The following CTIF variants were observed in gnomAD, a reference collection of about 807,000 sequenced individuals.
CTIF encodes the protein cap binding complex dependent translation initiation factor, also known as CBP80/20-dependent translation initiation factor.
In CTIF, 21 loss-of-function variants were observed where a neutral mutation model predicts 66.0. That is an observed-to-expected ratio of 0.32 (90% CI 0.23 to 0.46). The LOEUF (loss-of-function observed/expected upper bound fraction) is 0.46. Among genes scored for constraint, CTIF ranks in the 20% least tolerant of loss-of-function variants. CTIF has a pLI of 1.00. For synonymous variants in CTIF, 345 were observed against 326.4 expected (o/e 1.06, Z -0.62); for missense variants, 739 against 812.7 (o/e 0.91, Z 1.10).
At chr18:48,615,610 C>T (rs747086410) in intron 1 of CTIF, among the ~76,000 whole-genome samples, 1 of 152,182 alleles carries the variant, frequency 6.6e-6, no homozygotes, top group Admixed American at 6.5e-5. Context: ...TGAGGGACCA[C>T]GTGGAGCATG....
intron 6 of CTIF, among the ~76,000 whole-genome samples, chr18:48,674,480 G>C (rs1444414076): frequency 6.6e-6 from 1 of 152,236 alleles, no homozygotes; most frequent in Non-Finnish European, 1.5e-5. Flanking sequence ...CACACAGAGC[G>C]CATGCCACAA....
At chr18:48,617,995 G>A (rs147384343) in intron 1 of CTIF, among the ~76,000 whole-genome samples, 15 of 152,358 alleles carry the variant, frequency 9.8e-5, no homozygotes, top group African/African-American at 3.6e-4. Context: ...AGGAAGATGT[G>A]TGCACAGCAG....
intron 1 of CTIF, among the ~76,000 whole-genome samples, chr18:48,571,449 C>T (rs2089414210): frequency 6.6e-6 from 1 of 152,250 alleles, no homozygotes; most frequent in Non-Finnish European, 1.5e-5. Context: ...AGCCACCACA[C>T]TCGGCCAGGT....
intron 1 of CTIF, among the ~76,000 whole-genome samples, chr18:48,598,846 A>G (rs1045628757): frequency 6.6e-6 from 1 of 152,222 alleles, no homozygotes; most frequent in Admixed American, 6.5e-5. Context: ...GAACGGAGAC[A>G]CTGTGATTAG....
chr18:48,643,957 A>G (rs1238739942), intron 3 of CTIF, among the ~76,000 whole-genome samples: 1 of 152,186 alleles, frequency 6.6e-6, no homozygotes, highest in Non-Finnish European at 1.5e-5. Flanking sequence ...TCACTGCTTC[A>G]GAAGGCATCT....
intron 1 of CTIF, among the ~76,000 whole-genome samples, chr18:48,578,859 C>T (rs1015314420): frequency 6.6e-6 from 1 of 152,138 alleles, no homozygotes; most frequent in African/African-American, 2.4e-5. Flanking sequence ...CAATTTATCT[C>T]TTTTACTTAC....
At chr18:48,765,475 G>A (rs1421386913) in intron 9 of CTIF, among the ~76,000 whole-genome samples, 2 of 152,236 alleles carry the variant, frequency 1.3e-5, no homozygotes, top group Non-Finnish European at 2.9e-5. Context: ...CCCAGCAGTG[G>A]TCTTTACACT....
At chr18:48,795,822 A>G (rs539528784) in intron 9 of CTIF, among the ~76,000 whole-genome samples, 24 of 152,292 alleles carry the variant, frequency 1.6e-4, no homozygotes, top group Admixed American at 7.8e-4. Context: ...TTTAATGTTT[A>G]TAGAAAACGG....
intron 1 of CTIF, among the ~76,000 whole-genome samples, chr18:48,616,876 A>G (rs1598745314): frequency 6.6e-6 from 1 of 152,212 alleles, no homozygotes; most frequent in East Asian, 1.9e-4. Context: ...TCCAGGTGAC[A>G]GGTTCAGTGT....
At chr18:48,605,428 A>G (rs924517034) in intron 1 of CTIF, among the ~76,000 whole-genome samples, 3 of 152,122 alleles carry the variant, frequency 2.0e-5, no homozygotes, top group Non-Finnish European at 2.9e-5. Flanking sequence ...TAGTTTGCAG[A>G]TGGCTGTGGG....
intron 9 of CTIF, among the ~76,000 whole-genome samples, chr18:48,793,937 C>T (rs113644100): frequency 6.6e-6 from 1 of 152,324 alleles, no homozygotes; most frequent in African/African-American, 2.4e-5. Flanking sequence ...CTCCCAGCCA[C>T]CCATGCCCGC....
At chr18:48,633,701 C>CAATA (rs59134064) in intron 2 of CTIF, among the ~76,000 whole-genome samples, 10,006 of 145,908 alleles carry the variant, frequency 0.069, 518 homozygotes, top group African/African-American at 0.14. Context: ...GCCTCCATCT[C>CAATA]AATAAATAAA....
At chr18:48,595,816 C>T (rs930446149) in intron 1 of CTIF, among the ~76,000 whole-genome samples, 2 of 152,156 alleles carry the variant, frequency 1.3e-5, no homozygotes, top group Admixed American at 1.3e-4. Context: ...AAGGTGTCAG[C>T]TGAGGCAATA....
At chr18:48,750,605 C>A (rs572905030) in intron 7 of CTIF, among the ~76,000 whole-genome samples, 1 of 152,382 alleles carries the variant, frequency 6.6e-6, no homozygotes, top group South Asian at 2.1e-4. Flanking sequence ...CAGATGGAAA[C>A]CAAGGGCTGC....
At chr18:48,646,901 C>CAAAA (rs35904615) in intron 3 of CTIF, among the ~76,000 whole-genome samples, 38 of 77,960 alleles carry the variant, frequency 4.9e-4, no homozygotes, top group African/African-American at 6.0e-4. Flanking sequence ...TTGGCAGTTT[C>CAAAA]AAAAAAAAAA....
At chr18:48,627,958 G>A (rs79686769) in intron 2 of CTIF, among the ~76,000 whole-genome samples, 1 of 152,048 alleles carries the variant, frequency 6.6e-6, no homozygotes, top group South Asian at 2.1e-4. Context: ...GCTATGGTAG[G>A]GGGTCAGCAA....
At chr18:48,667,645 C>G (rs892336989) in intron 5 of CTIF, among the ~76,000 whole-genome samples, 6 of 152,214 alleles carry the variant, frequency 3.9e-5, no homozygotes, top group Non-Finnish European at 8.8e-5. Context: ...CCCCTTATGC[C>G]GAGGGACTTT....
intron 9 of CTIF, among the ~76,000 whole-genome samples, chr18:48,801,630 A>G (rs1436970654): frequency 6.6e-6 from 1 of 152,228 alleles, no homozygotes; most frequent in Non-Finnish European, 1.5e-5. Flanking sequence ...GTTTTCTCAA[A>G]TTCTATAAAT....
At chr18:48,593,536 A>T (rs1023167127) in intron 1 of CTIF, among the ~76,000 whole-genome samples, 1 of 151,476 alleles carries the variant, frequency 6.6e-6, no homozygotes, top group African/African-American at 2.4e-5. Context: ...CGCCTGCCAC[A>T]ATGCCCGGCT....
Sources: allele counts gnomAD v4.1 joint callset (sites outside exome capture counted in the v4.1 genomes callset), GRCh38; gene constraint gnomAD v4.1.1; transcripts MANE v1.5; gene names NCBI Gene and HGNC (gene_info 2026-07-23, HGNC 2026-07-21).